CDK13: variants seen among roughly 807,000 people sequenced by gnomAD.
The protein encoded by CDK13 is cyclin dependent kinase 13, also known as cyclin-dependent kinase 13.
Under a neutral mutation model 137.6 loss-of-function variants are expected in CDK13, and 40 were observed. That is an observed-to-expected ratio of 0.29 (90% CI 0.23 to 0.38). The LOEUF is 0.38. Ranked by LOEUF, CDK13 falls within the 10% of genes least tolerant of loss-of-function variation. The pLI, the probability that CDK13 is intolerant of heterozygous loss-of-function variation, is 1.00. For missense variants in CDK13, 1,704 were observed against 1,951.8 expected, an observed-to-expected ratio of 0.87 and a Z score of 2.39; for synonymous variants, 869 against 760.1, an observed-to-expected ratio of 1.14 and a Z score of -2.36.
At chr7:40,001,172 T>TA (rs1219265059) in intron 4 of CDK13, among the ~76,000 whole-genome samples, 7 of 151,554 alleles carry the variant, frequency 4.6e-5, no homozygotes, top group Non-Finnish European at 1.0e-4. Context: ...CTCGTTTACT[T>TA]AAAAAAAATA....
intron 1 of CDK13, among the ~76,000 whole-genome samples, chr7:39,958,492 TA>T (rs1032303441): frequency 6.6e-6 from 1 of 152,194 alleles, no homozygotes; most frequent in African/African-American, 2.4e-5. Context: ...GACATTTTGA[TA>T]AATATTTTTC....
At chr7:40,033,327 A>T (rs1013854392) in intron 5 of CDK13, among the ~76,000 whole-genome samples, 2 of 152,068 alleles carry the variant, frequency 1.3e-5, no homozygotes, top group African/African-American at 2.4e-5. Flanking sequence ...CCTTTTTTCC[A>T]TTAGAGCTCT....
intron 7 of CDK13, among the ~76,000 whole-genome samples, chr7:40,052,870 C>G (rs192196440): frequency 5.9e-5 from 9 of 152,148 alleles, no homozygotes; most frequent in African/African-American, 2.2e-4. Flanking sequence ...GGAGGATCCT[C>G]CTGATGCAGA....
At chr7:39,989,756 A>G (rs1440282699) in intron 2 of CDK13, among the ~76,000 whole-genome samples, 4 of 150,490 alleles carry the variant, frequency 2.7e-5, no homozygotes, top group African/African-American at 4.9e-5. Context: ...TCCATGTTTC[A>G]TTGAGACTGG....
rs1352963350 is a variant in CDK13, at chr7:40,098,614, C to T, written c.*3634C>T. On this transcript the variant is annotated 3_prime_UTR_variant, in exon 14 of 14. Transcript: ENST00000181839. ...AGTAACCTAAAATTATCCAGTCGGT[C>T]TTCTTACTTTACAACTAAGAAAAAT... is the stretch of plus-strand genomic sequence containing the variant. 6.6e-6 allele frequency: 1 copy of T among 150,408 alleles called. No individual in the cohort carries two copies. Among genetic ancestry groups the T allele is most frequent in the Non-Finnish European group, 1.5e-5 (1 of 67,754 alleles). 9.3% of individuals were successfully genotyped at this position (150,408 alleles called of 1,614,324 possible). A position where few individuals can be genotyped will look rare whatever the true frequency, so the allele number is the denominator to read the frequency against.
At position 40,048,651 on chromosome 7, in the gene CDK13, T is replaced by C. The variant is rs962997644; in HGVS notation, c.2600+774T>C. 3.4e-5 allele frequency: 5 copies of C among 147,312 alleles called. No homozygotes were observed. In the East Asian group the frequency reaches 9.6e-4, roughly 28 times the overall value. The allele number at this position is 147,312 out of a possible 1,614,324, so 9.1% of individuals were successfully genotyped here. On this transcript the variant is annotated intron_variant, in intron 7 of 13. Transcript: ENST00000181839. Reference sequence around the variant, plus strand: ...TGTCATTTCTTTAATATCACCATAATTTAATATAATGAAACATCAGTTGAT... The same window carrying C: ...TGTCATTTCTTTAATATCACCATAACTTAATATAATGAAACATCAGTTGAT...
At chr7:40,064,942 C>T (rs1435011412) in intron 9 of CDK13, among the ~76,000 whole-genome samples, 1 of 143,404 alleles carries the variant, frequency 7.0e-6, no homozygotes, top group Non-Finnish European at 1.5e-5. Flanking sequence ...CAGGCATGCA[C>T]CACCATGCTG....
intron 9 of CDK13, among the ~76,000 whole-genome samples, chr7:40,068,522 T>C (rs1786334002): frequency 6.6e-6 from 1 of 151,524 alleles, no homozygotes. Flanking sequence ...GGTGAATCCC[T>C]GTCTCTACTA....
At chr7:39,963,675 G>A (rs1783802321) in intron 1 of CDK13, among the ~76,000 whole-genome samples, 1 of 152,166 alleles carries the variant, frequency 6.6e-6, no homozygotes, top group South Asian at 2.1e-4. Flanking sequence ...AATAGTAGTG[G>A]TGAGAGAGGG....
chr7:40,085,536 T>C (rs76999593), intron 11 of CDK13, among the ~76,000 whole-genome samples: 3,285 of 152,240 alleles, frequency 0.022, 114 homozygotes, highest in African/African-American at 0.075. Flanking sequence ...GTTACCCCAC[T>C]GTGCAGTACT....
At chr7:40,017,175 A>G (rs1273274552) in intron 5 of CDK13, among the ~76,000 whole-genome samples, 2 of 152,098 alleles carry the variant, frequency 1.3e-5, no homozygotes, top group African/African-American at 2.4e-5. Flanking sequence ...TAATTTGGAT[A>G]TATTTTGTAT....
Position 39,997,474 on chromosome 7 carries a change from C to T in CDK13, c.1872-20C>T, listed in dbSNP as rs760853762. On this transcript the variant is annotated intron_variant, in intron 2 of 13. Coordinates refer to ENST00000181839, the MANE Select transcript of CDK13 (RefSeq NM_003718.5). ...TCAACAAAATTTTTGTTTTATTTGTCTGACTTCTTTCACTTTCAGCTTACG... is the reference window on the plus strand; with the variant it reads ...TCAACAAAATTTTTGTTTTATTTGTTTGACTTCTTTCACTTTCAGCTTACG... 6.3e-7 allele frequency: 1 copy of T among 1,581,316 alleles called. No individual in the cohort carries two copies. Among genetic ancestry groups the T allele is most frequent in the Non-Finnish European group, 8.5e-7 (1 of 1,171,536 alleles).
At chr7:40,015,488 T>C in intron 5 of CDK13, among the ~76,000 whole-genome samples, 1 of 152,286 alleles carries the variant, frequency 6.6e-6, no homozygotes, top group South Asian at 2.1e-4. Context: ...TAATAATGAC[T>C]AACTCACAGG....
intron 2 of CDK13, among the ~76,000 whole-genome samples, chr7:39,996,718 G>A (rs1448407099): frequency 1.3e-5 from 2 of 151,922 alleles, no homozygotes; most frequent in African/African-American, 2.4e-5. Context: ...GCAGCTGAGC[G>A]TTGTGAGGCC....
At chr7:40,068,991 T>C (rs1054463227) in intron 9 of CDK13, among the ~76,000 whole-genome samples, 4 of 152,148 alleles carry the variant, frequency 2.6e-5, no homozygotes, top group Non-Finnish European at 4.4e-5. Flanking sequence ...CTCAGCACTT[T>C]GGAAGGCCAA....
chr7:40,036,291 A>G (rs1165160091), intron 5 of CDK13, among the ~76,000 whole-genome samples: 1 of 152,256 alleles, frequency 6.6e-6, no homozygotes, highest in Non-Finnish European at 1.5e-5. Context: ...AAAGCCTTCT[A>G]AAATTTTATT....
chr7:40,047,769 T>C (rs929769240), intron 6 of CDK13, 52 bp from the exon 7 acceptor site: 1 of 1,228,104 alleles, frequency 8.1e-7, no homozygotes, highest in South Asian at 1.2e-5. Context: ...ATGTGTATTG[T>C]CAATTAAGAG....
intron 9 of CDK13, among the ~76,000 whole-genome samples, chr7:40,077,268 A>G (rs530094355): frequency 6.6e-6 from 1 of 152,316 alleles, no homozygotes; most frequent in African/African-American, 2.4e-5. Context: ...CTGAGGTCAT[A>G]TAGAAATCCG....
chr7:40,021,279 T>C (rs1025580981), intron 5 of CDK13, among the ~76,000 whole-genome samples: 1 of 151,932 alleles, frequency 6.6e-6, no homozygotes, highest in Admixed American at 6.6e-5. Context: ...GGTGGATCAC[T>C]TGAGGTCAGG....
Sources: allele counts gnomAD v4.1 joint callset (sites outside exome capture counted in the v4.1 genomes callset), GRCh38; gene constraint gnomAD v4.1.1; transcripts MANE v1.5; gene names NCBI Gene and HGNC (gene_info 2026-07-23, HGNC 2026-07-21).